The following PLD5 variants were observed in gnomAD, a reference collection of about 807,000 sequenced individuals.
The protein encoded by PLD5 is phospholipase D family member 5.
Under a neutral mutation model 61.1 loss-of-function variants are expected in PLD5, and 36 were observed. The ratio of observed to expected loss-of-function variants is 0.59; its 90% CI spans 0.45 to 0.78. PLD5 has a LOEUF of 0.78. Ranked by LOEUF, PLD5 falls within the 30% of genes least tolerant of loss-of-function variation. PLD5 has a pLI of 0.00. For synonymous variants in PLD5, 243 were observed against 242.8 expected (o/e 1.00, Z -0.01); for missense variants, 515 against 644.4 (o/e 0.80, Z 2.17).
intron 1 of PLD5, among the ~76,000 whole-genome samples, chr1:242,409,820 GA>G (rs1344069713): frequency 1.3e-5 from 2 of 152,182 alleles, no homozygotes; most frequent in Non-Finnish European, 2.9e-5. Context: ...CACACCTGGG[GA>G]TATGTGGGGG....
At chr1:242,227,492 G>A (rs1671025492) in intron 4 of PLD5, among the ~76,000 whole-genome samples, 1 of 152,058 alleles carries the variant, frequency 6.6e-6, no homozygotes, top group Non-Finnish European at 1.5e-5. Context: ...AGCCTCCCAA[G>A]TAGCTGGGAC....
At chr1:242,090,202 T>C in intron 9 of PLD5, 92 bp from the exon 10 acceptor site, 3 of 1,484,576 alleles carry the variant, frequency 2.0e-6, no homozygotes, top group Non-Finnish European at 2.7e-6. Context: ...CTATTAAAAA[T>C]CATCAACATC....
At chr1:242,184,951 C>T (rs1176978919) in intron 5 of PLD5, among the ~76,000 whole-genome samples, 1 of 152,182 alleles carries the variant, frequency 6.6e-6, no homozygotes, top group Non-Finnish European at 1.5e-5. Flanking sequence ...CATGGAGCCC[C>T]AGGACTTCTT....
At chr1:242,143,717 T>C (rs1291434405) in intron 5 of PLD5, among the ~76,000 whole-genome samples, 2 of 152,302 alleles carry the variant, frequency 1.3e-5, no homozygotes, top group Middle Eastern at 6.8e-3. Flanking sequence ...CTCAGAAATG[T>C]AGCTGCCTCA....
At position 242,205,434 on chromosome 1, in the gene PLD5, C is replaced by G. The variant is rs577908247; in HGVS notation, c.735+14554G>C. ...ATGATTTTGTTATTCAAAATGCAGT[C>G]TGCTAATCCATATATTTTGTAAAAG... is the stretch of plus-strand genomic sequence containing the variant. On this transcript the variant is annotated intron_variant, in intron 5 of 9. Transcript: ENST00000536534. Among the ~76,000 whole-genome samples the G allele has an allele frequency of 2.0e-5, 3 of 152,252 alleles. No individual in the cohort carries two copies. In the South Asian group the frequency reaches 6.2e-4, roughly 32 times the overall value.
At chr1:242,173,160 G>T (rs1317213632) in intron 5 of PLD5, among the ~76,000 whole-genome samples, 1 of 152,078 alleles carries the variant, frequency 6.6e-6, no homozygotes, top group Non-Finnish European at 1.5e-5. Flanking sequence ...AAACCCCATC[G>T]TCTCAGCCCA....
At chr1:242,268,871 C>T (rs1673875983) in intron 3 of PLD5, among the ~76,000 whole-genome samples, 1 of 152,138 alleles carries the variant, frequency 6.6e-6, no homozygotes, top group African/African-American at 2.4e-5. Flanking sequence ...GAGATGGAGT[C>T]TCGATCTGTC....
rs914316479 is a variant in PLD5, at chr1:242,389,115, G to A, written c.190-40873C>T. Among the ~76,000 whole-genome samples the A allele has an allele frequency of 3.4e-4, 51 of 151,332 alleles. 1 individual carries two copies. In the East Asian group the frequency reaches 3.9e-3, roughly 12 times the overall value. ...TAAATGAAGACTTGAAATTGATGTC[G>A]AGGTCACCAGGCATAATAACACGAG... On this transcript the variant is annotated intron_variant, in intron 1 of 9. Coordinates refer to ENST00000536534, the MANE Select transcript of PLD5 (RefSeq NM_001372062.1).
chr1:242,449,672 C>T (rs1007081072), intron 1 of PLD5, among the ~76,000 whole-genome samples: 1 of 152,182 alleles, frequency 6.6e-6, no homozygotes, highest in Admixed American at 6.5e-5. Context: ...TATGTTTCTC[C>T]CTCTTTTCCT....
chr1:242,287,719 A>G (rs1675108287), intron 3 of PLD5, among the ~76,000 whole-genome samples: 1 of 152,248 alleles, frequency 6.6e-6, no homozygotes, highest in Admixed American at 6.5e-5. Flanking sequence ...CAATATAAAG[A>G]AAAACACTAA....
chr1:242,267,041 T>G (rs942778360), intron 3 of PLD5, among the ~76,000 whole-genome samples: 5 of 151,424 alleles, frequency 3.3e-5, no homozygotes, highest in South Asian at 2.1e-4. Context: ...CACTGGAACC[T>G]GGGAGGTGGA....
chr1:242,101,589 T>A (rs1660693203), intron 8 of PLD5, among the ~76,000 whole-genome samples: 1 of 152,220 alleles, frequency 6.6e-6, no homozygotes, highest in Admixed American at 6.5e-5. Context: ...TGGGAAAATG[T>A]TGAGTATTTT....
intron 1 of PLD5, among the ~76,000 whole-genome samples, chr1:242,350,894 A>C (rs1574779435): frequency 7.4e-6 from 1 of 134,984 alleles, no homozygotes; most frequent in African/African-American, 2.5e-5. Flanking sequence ...ATTCTGTTTT[A>C]TTCTTTTTTT....
chr1:242,478,973 C>T (rs1023630331), intron 1 of PLD5, among the ~76,000 whole-genome samples: 20 of 152,146 alleles, frequency 1.3e-4, no homozygotes, highest in African/African-American at 2.9e-4. Context: ...AGTTTTTTGA[C>T]GATATGAAGA....
At chr1:242,252,040 T>C (rs925182039) in intron 4 of PLD5, among the ~76,000 whole-genome samples, 2 of 152,158 alleles carry the variant, frequency 1.3e-5, no homozygotes, top group Non-Finnish European at 2.9e-5. Context: ...TTAGGAGACA[T>C]AGAGTGTGAG....
intron 1 of PLD5, among the ~76,000 whole-genome samples, chr1:242,456,886 A>G (rs1666960474): frequency 6.6e-6 from 1 of 152,072 alleles, no homozygotes; most frequent in South Asian, 2.1e-4. Flanking sequence ...CTGCGTCCGT[A>G]ACACTATTTC....
At chr1:242,488,053 CA>C (rs1668022272) in intron 1 of PLD5, among the ~76,000 whole-genome samples, 1 of 152,158 alleles carries the variant, frequency 6.6e-6, no homozygotes, top group African/African-American at 2.4e-5. Context: ...GGCGGAGATC[CA>C]AAACACTGAC....
chr1:242,259,307 C>CTCTCTCT (rs1553337783), intron 4 of PLD5, among the ~76,000 whole-genome samples: 35,108 of 145,406 alleles, frequency 0.24, 4,849 homozygotes, highest in Non-Finnish European at 0.33. Context: ...AGACATCACC[C>CTCTCTCT]CTCTCTCTCT....
intron 1 of PLD5, among the ~76,000 whole-genome samples, chr1:242,493,284 A>G (rs921889820): frequency 1.1e-4 from 17 of 152,134 alleles, no homozygotes; most frequent in Non-Finnish European, 2.2e-4. Context: ...ACTATTAAAA[A>G]GAAAAAACTG....
Sources: allele counts gnomAD v4.1 joint callset (sites outside exome capture counted in the v4.1 genomes callset), GRCh38; gene constraint gnomAD v4.1.1; transcripts MANE v1.5; gene names NCBI Gene and HGNC (gene_info 2026-07-23, HGNC 2026-07-21).